ZNF385D: variants seen among roughly 807,000 people sequenced by gnomAD.
The protein encoded by ZNF385D is zinc finger protein 385D.
ZNF385D carries 15 observed loss-of-function variants against 35.8 expected under a neutral mutation model. The observed-to-expected ratio is 0.42, with a 90% CI of 0.28 to 0.64. The LOEUF (loss-of-function observed/expected upper bound fraction) is 0.64, where lower values mean the gene tolerates loss of function less well. Ranked by LOEUF, ZNF385D falls within the 30% of genes least tolerant of loss-of-function variation. The probability of loss-of-function intolerance (pLI) is 0.23; values close to 1 mark genes in which losing one functional copy is unlikely to be tolerated. For missense variants in ZNF385D, 474 were observed against 494.6 expected, an observed-to-expected ratio of 0.96 and a Z score of 0.39; for synonymous variants, 212 against 186.8, an observed-to-expected ratio of 1.13 and a Z score of -1.10.
intron 3 of ZNF385D, among the ~76,000 whole-genome samples, chr3:22,080,370 T>C (rs1440282959): frequency 6.6e-6 from 1 of 152,118 alleles, no homozygotes; most frequent in Non-Finnish European, 1.5e-5. Context: ...CTGAGAACAC[T>C]CATTCTACTT....
At chr3:21,616,115 C>A (rs1237618380) in intron 2 of ZNF385D, among the ~76,000 whole-genome samples, 1 of 151,958 alleles carries the variant, frequency 6.6e-6, no homozygotes, top group African/African-American at 2.4e-5. Context: ...TAACCTTCCC[C>A]TTAAGATTAA....
chr3:21,464,557 C>T (rs1703385909), intron 4 of ZNF385D, among the ~76,000 whole-genome samples: 1 of 152,050 alleles, frequency 6.6e-6, no homozygotes, highest in Non-Finnish European at 1.5e-5. Context: ...GCTTCAGATA[C>T]AACAGTCAAC....
chr3:22,256,734 A>G (rs1410784230), intron 2 of ZNF385D, among the ~76,000 whole-genome samples: 1 of 151,874 alleles, frequency 6.6e-6, no homozygotes, highest in East Asian at 1.9e-4. Context: ...TTTATTATAT[A>G]TGTACTCATT....
At chr3:22,043,483 T>G (rs948452151) in intron 3 of ZNF385D, among the ~76,000 whole-genome samples, 1 of 152,104 alleles carries the variant, frequency 6.6e-6, no homozygotes. Flanking sequence ...AATTTATTTA[T>G]GTAAACATAT....
intron 3 of ZNF385D, among the ~76,000 whole-genome samples, chr3:22,128,085 C>G (rs140066872): frequency 1.4e-3 from 216 of 152,292 alleles, no homozygotes; most frequent in African/African-American, 4.9e-3. Flanking sequence ...GATAAAATCT[C>G]TCAGCTTTTG....
intron 3 of ZNF385D, among the ~76,000 whole-genome samples, chr3:22,078,861 ACT>A (rs1021210339): frequency 6.6e-6 from 1 of 152,034 alleles, no homozygotes; most frequent in Non-Finnish European, 1.5e-5. Context: ...GTGCATACAG[ACT>A]CTTACACATA....
chr3:22,135,297 AAC>A (rs112249963), intron 3 of ZNF385D, among the ~76,000 whole-genome samples: 9 of 150,592 alleles, frequency 6.0e-5, no homozygotes, highest in East Asian at 1.9e-4. Context: ...ATATAAGGTC[AAC>A]ACACACACAC....
intron 3 of ZNF385D, among the ~76,000 whole-genome samples, chr3:22,155,272 GAATC>G (rs1182537519): frequency 3.3e-5 from 5 of 152,036 alleles, no homozygotes; most frequent in African/African-American, 1.2e-4. Flanking sequence ...AATTATTTCA[GAATC>G]AGTCATATGG....
intron 3 of ZNF385D, among the ~76,000 whole-genome samples, chr3:21,962,441 T>C (rs1702649154): frequency 6.6e-6 from 1 of 152,214 alleles, no homozygotes; most frequent in Non-Finnish European, 1.5e-5. Flanking sequence ...AACCTTGAGG[T>C]GCCTGCAAGG....
Position 21,532,328 on chromosome 3 carries a change from A to T in ZNF385D, c.277-21305T>A, listed in dbSNP as rs78187768. Among the ~76,000 whole-genome samples the T allele has an allele frequency of 8.7e-3, 1,326 of 152,328 alleles. 14 individuals are homozygous for T. The highest frequency in any genetic ancestry group is 0.03 in the African/African-American group (1,262 of 41,576). On this transcript the variant is annotated intron_variant, in intron 3 of 7. Transcript: ENST00000281523. ...GTTACATAATAAACCCTTATTATTT[A>T]TGCAACAAAATAGCATTGTAATATA... is the stretch of plus-strand genomic sequence containing the variant.
chr3:22,016,798 T>C (rs1275551178), intron 3 of ZNF385D, among the ~76,000 whole-genome samples: 1 of 152,026 alleles, frequency 6.6e-6, no homozygotes, highest in Non-Finnish European at 1.5e-5. Context: ...TAACCTAGTC[T>C]ATCCTGACAT....
intron 1 of ZNF385D, among the ~76,000 whole-genome samples, chr3:21,723,144 AG>A (rs1348521942): frequency 1.3e-5 from 2 of 152,202 alleles, no homozygotes; most frequent in Non-Finnish European, 2.9e-5. Flanking sequence ...CCCCATCCAA[AG>A]GTCACCAACA....
chr3:21,986,003 T>A (rs372636933), intron 3 of ZNF385D, among the ~76,000 whole-genome samples: 1 of 105,922 alleles, frequency 9.4e-6, no homozygotes, highest in Non-Finnish European at 1.8e-5. Flanking sequence ...TCTGTGGGAT[T>A]GGTGGTGATA....
chr3:21,525,849 A>G (rs1238795995), intron 3 of ZNF385D, among the ~76,000 whole-genome samples: 1 of 152,118 alleles, frequency 6.6e-6, no homozygotes, highest in Non-Finnish European at 1.5e-5. Context: ...TTTATGACAA[A>G]TTGAGACATT....
chr3:21,810,933 C>T (rs1455227271), intron 3 of ZNF385D, among the ~76,000 whole-genome samples: 2 of 146,490 alleles, frequency 1.4e-5, no homozygotes, highest in South Asian at 2.2e-4. Context: ...TATATACACA[C>T]ACAGCACATC....
chr3:21,522,581 G>C (rs1440940769), intron 3 of ZNF385D, among the ~76,000 whole-genome samples: 1 of 151,948 alleles, frequency 6.6e-6, no homozygotes, highest in African/African-American at 2.4e-5. Flanking sequence ...CTTGTGATCT[G>C]CCTGCCTCAG....
At chr3:21,753,795 G>C (rs1239267851), upstream of ZNF385D, among the ~76,000 whole-genome samples, 1 of 151,676 alleles carries the variant, frequency 6.6e-6, no homozygotes, top group African/African-American at 2.4e-5. Flanking sequence ...GTTGTTGTGT[G>C]TGTGTGTGTG....
intron 4 of ZNF385D, among the ~76,000 whole-genome samples, chr3:21,463,163 G>T (rs4858004): frequency 1.3e-3 from 193 of 152,132 alleles, no homozygotes; most frequent in Non-Finnish European, 2.4e-3. Flanking sequence ...TAATTTAAAA[G>T]TTGTAAACAT....
At chr3:21,902,142 T>C (rs754638588) in intron 3 of ZNF385D, among the ~76,000 whole-genome samples, 2 of 152,180 alleles carry the variant, frequency 1.3e-5, no homozygotes, top group Non-Finnish European at 2.9e-5. Context: ...AAATCTGTAT[T>C]ACCTATACAC....
Sources: gnomAD v4.1 joint callset for allele counts (sites outside exome capture counted in the v4.1 genomes callset) on GRCh38, gnomAD v4.1.1 for gene constraint, MANE v1.5 for transcripts, NCBI Gene and HGNC (gene_info 2026-07-23, HGNC 2026-07-21) for gene names.